Variants in IZUMO2 observed in about 807,000 individuals in gnomAD.
IZUMO2 encodes the protein IZUMO family member 2, also known as izumo sperm-egg fusion protein 2.
Under a neutral mutation model 31.2 loss-of-function variants are expected in IZUMO2, and 24 were observed. The ratio of observed to expected loss-of-function variants is 0.77; its 90% CI spans 0.56 to 1.08. The LOEUF is 1.08. IZUMO2 is among the 50% of genes least tolerant of loss of function. The pLI is 0.00. For missense variants in IZUMO2, 278 were observed against 274.0 expected, an observed-to-expected ratio of 1.01 and a Z score of -0.10; for synonymous variants, 144 against 117.3, an observed-to-expected ratio of 1.23 and a Z score of -1.47.
intron 5 of IZUMO2, 82 bp downstream of exon 5, chr19:50,158,186 C>T (rs1490338915): frequency 7.0e-6 from 6 of 854,308 alleles, no homozygotes; most frequent in East Asian, 2.7e-5. Flanking sequence ...GTGGGAGCCT[C>T]GAAACCCATA....
intron 2 of IZUMO2, chr19:50,160,359 T>G (rs2030355339): frequency 6.6e-6 from 1 of 152,202 alleles, no homozygotes; most frequent in African/African-American, 2.4e-5. Context: ...TAAAATATAT[T>G]GATAATTCCT....
chr19:50,159,444 A>G, intron 3 of IZUMO2, 50 bp downstream of exon 3: 1 of 1,390,258 alleles, frequency 7.2e-7, no homozygotes, highest in Non-Finnish European at 1.0e-6. Context: ...AAGGGGATCA[A>G]GAGGTCAAGG....
chr19:50,158,377 C>T, intron 4 of IZUMO2, 29 bp from the exon 5 acceptor site: 18 of 1,471,992 alleles, frequency 1.2e-5, no homozygotes, highest in Non-Finnish European at 1.7e-5. Flanking sequence ...AGAAGTAAGA[C>T]AAGGGCAGAT....
At chr19:50,159,144 G>C in intron 4 of IZUMO2, 86 bp downstream of exon 4, 1 of 1,339,386 alleles carries the variant, frequency 7.5e-7, no homozygotes, top group Non-Finnish European at 1.1e-6. Context: ...ATGGAGTAAG[G>C]AGTGGTAGCC....
rs1278503320 is a variant in IZUMO2, at chr19:50,154,734, G to A, written c.497-8C>T. On this transcript the variant is annotated splice_region_variant and splice_polypyrimidine_tract_variant and intron_variant, in intron 5 of 6. Coordinates refer to ENST00000293405, the MANE Select transcript of IZUMO2 (RefSeq NM_152358.3). The stretch of plus-strand genomic sequence containing the variant: ...CGCGGGGTTGCCGGTCGACTGGGGC[G>A]GGTGGGGAAACAGCCCCGACCTCCA... 1.1e-5 allele frequency: 17 copies of A among 1,613,048 alleles called. No individual in the cohort carries two copies. The highest frequency in any genetic ancestry group is 1.6e-4 in the Middle Eastern group (1 of 6,076).
chr19:50,160,208 T>C (rs1351682477), intron 2 of IZUMO2: 1 of 152,700 alleles, frequency 6.5e-6, no homozygotes, highest in African/African-American at 2.4e-5. Flanking sequence ...GCTTTATATA[T>C]TACCTAGACG....
At chr19:50,160,207 A>G (rs2030350895) in intron 2 of IZUMO2, 1 of 152,636 alleles carries the variant, frequency 6.6e-6, no homozygotes, top group Non-Finnish European at 1.5e-5. Context: ...GGCTTTATAT[A>G]TTACCTAGAC....
rs1255449513 is a variant in IZUMO2 at position 50,158,415 on chromosome 19, AAG to A, written c.416-69_416-68del. On this transcript the variant is annotated intron_variant, in intron 4 of 6. Transcript: ENST00000293405. ...CAGAGGACCGGCAAGGGTGGAAAGG[AAG>A]AAGGAGAAAGAGGAGATGGGGTCCC... is the stretch of plus-strand genomic sequence containing the variant. 17 of 1,051,266 alleles carry A rather than the reference AAG, an allele frequency of 1.6e-5. No homozygotes were observed. The East Asian group carries it at 4.2e-4, about 26-fold the overall frequency. The allele number at this position is 1,051,266 out of a possible 1,614,324, so 65.1% of individuals were successfully genotyped here.
chr19:50,161,131 T>C (rs1406162437), intron 2 of IZUMO2, among the ~76,000 whole-genome samples: 8 of 151,606 alleles, frequency 5.3e-5, no homozygotes, highest in Admixed American at 4.6e-4. Context: ...TTTTTCTTTT[T>C]TTTTTTTTTT....
chr19:50,156,088 A>C (rs933625237), intron 5 of IZUMO2, among the ~76,000 whole-genome samples: 5 of 152,150 alleles, frequency 3.3e-5, no homozygotes, highest in African/African-American at 9.7e-5. Context: ...CCCAGGCACT[A>C]TCTACCAAAC....
intron 2 of IZUMO2, chr19:50,160,371 T>C (rs984713421): frequency 3.9e-5 from 6 of 152,196 alleles, no homozygotes; most frequent in Non-Finnish European, 8.8e-5. Context: ...ATAATTCCTA[T>C]GTGGATTGCA....
In IZUMO2 at chr19:50,155,509, C is replaced by T. The variant is rs76822099; in HGVS notation, c.497-783G>A. Among the ~76,000 whole-genome samples the T allele has an allele frequency of 1.5e-3, 230 of 152,322 alleles. 1 individual carries two copies. The highest frequency in any genetic ancestry group is 5.1e-3 in the African/African-American group (211 of 41,568). Reference sequence around the variant, plus strand: ...TAGTTGCTGCATCTTAGCTATTGGCCCTGAAGGTGGCCTTGGGAGTTGCTT... The same window carrying T: ...TAGTTGCTGCATCTTAGCTATTGGCTCTGAAGGTGGCCTTGGGAGTTGCTT... On this transcript the variant is annotated intron_variant, in intron 5 of 6. Transcript: ENST00000293405.
At chr19:50,154,560 G>T in intron 6 of IZUMO2, 40 bp downstream of exon 6, 5 of 1,611,598 alleles carry the variant, frequency 3.1e-6, no homozygotes, top group Non-Finnish European at 4.2e-6. Flanking sequence ...GGGCCCAGTG[G>T]GTTCCACGGG....
Position 50,152,600 on chromosome 19 carries a change from A to G in IZUMO2, c.*9T>C, listed in dbSNP as rs2030063201. ...TATTTTCCTTTCTCCTTACCCCCAAACCACCGTCCTACTGCAGCAGGAGTT... is the reference window on the plus strand; with the variant it reads ...TATTTTCCTTTCTCCTTACCCCCAAGCCACCGTCCTACTGCAGCAGGAGTT... On this transcript the variant is annotated 3_prime_UTR_variant, in exon 7 of 7. Transcript: ENST00000293405. 6.2e-7 allele frequency: 1 copy of G among 1,611,466 alleles called. No homozygotes were observed. The highest frequency in any genetic ancestry group is 8.5e-7 in the Non-Finnish European group (1 of 1,177,632).
chr19:50,157,947 T>TATTA (rs1028598919), intron 5 of IZUMO2, among the ~76,000 whole-genome samples: 2 of 151,180 alleles, frequency 1.3e-5, no homozygotes, highest in African/African-American at 4.9e-5. Context: ...TTTTTAGATT[T>TATTA]ATGAATGAAT....
chr19:50,154,336 AC>A (rs1283100859), intron 6 of IZUMO2, among the ~76,000 whole-genome samples: 2 of 117,922 alleles, frequency 1.7e-5, no homozygotes, highest in Non-Finnish European at 3.3e-5. Flanking sequence ...AGTGCTGAGG[AC>A]CCGGGAAAGT....
intron 4 of IZUMO2, 152 bp downstream of exon 4, chr19:50,159,078 C>G (rs1311194226): frequency 1.4e-6 from 1 of 728,502 alleles, no homozygotes; most frequent in Non-Finnish European, 2.4e-6. Context: ...TTTTCATAAA[C>G]CTTTAAAAAG....
intron 6 of IZUMO2, chr19:50,153,855 C>T (rs572903704): frequency 6.6e-6 from 1 of 151,594 alleles, no homozygotes; most frequent in South Asian, 2.1e-4. Context: ...TTATCACCAC[C>T]CCCGCCAGTG....
intron 2 of IZUMO2, among the ~76,000 whole-genome samples, chr19:50,162,067 G>C (rs1362543232): frequency 6.6e-6 from 1 of 152,176 alleles, no homozygotes; most frequent in Non-Finnish European, 1.5e-5. Flanking sequence ...CAGATCACTT[G>C]AGGTCAGAAG....
Sources: allele counts gnomAD v4.1 joint callset (sites outside exome capture counted in the v4.1 genomes callset), GRCh38; gene constraint gnomAD v4.1.1; transcripts MANE v1.5; gene names NCBI Gene and HGNC (gene_info 2026-07-23, HGNC 2026-07-21).